Variants in MAPKAP1 observed in about 807,000 individuals in gnomAD.
MAPKAP1 encodes the protein MAPK associated protein 1.
In MAPKAP1, 20 loss-of-function variants were observed where a neutral mutation model predicts 65.7. The observed-to-expected ratio is 0.30, with a 90% CI of 0.21 to 0.44. The LOEUF (loss-of-function observed/expected upper bound fraction) is 0.44. Ranked by LOEUF, MAPKAP1 falls within the 20% of genes least tolerant of loss-of-function variation. MAPKAP1 has a pLI of 1.00. For missense variants in MAPKAP1, 423 were observed against 648.0 expected, an observed-to-expected ratio of 0.65 and a Z score of 3.77; for synonymous variants, 222 against 244.3, an observed-to-expected ratio of 0.91 and a Z score of 0.85.
rs375290028 is a variant in MAPKAP1 at position 125,693,836 on chromosome 9, T to TACACACACACACACACAC, written c.-70+13134_-70+13135insGTGTGTGTGTGTGTGTGT. On this transcript the variant is annotated intron_variant, in intron 1 of 11. Coordinates refer to ENST00000265960, the MANE Select transcript of MAPKAP1 (RefSeq NM_001006617.3). ...ACACATATACACACACACACATATA[T>TACACACACACACACACAC]ATACACACATACACACACACACACA... 4.7e-4 allele frequency among the ~76,000 whole-genome samples: 56 copies of TACACACACACACACACAC among 119,460 alleles called. 2 individuals carry two copies. Among genetic ancestry groups the TACACACACACACACACAC allele is most frequent in the Non-Finnish European group, 4.9e-4 (30 of 61,504 alleles). The allele number at this position is 119,460 out of a possible 152,430, so 78.4% of individuals were successfully genotyped here. A position where few individuals can be genotyped will look rare whatever the true frequency, so the allele number is the denominator to read the frequency against.
At chr9:125,657,626 G>C in intron 4 of MAPKAP1, 25 bp downstream of exon 4, 1 of 1,576,146 alleles carries the variant, frequency 6.3e-7, no homozygotes, top group Non-Finnish European at 8.6e-7. Context: ...TTTACTTAAA[G>C]GGACAAAGTC....
intron 4 of MAPKAP1, among the ~76,000 whole-genome samples, chr9:125,653,647 CA>C (rs753933573): frequency 1.6e-4 from 24 of 152,266 alleles, no homozygotes; most frequent in African/African-American, 2.4e-4. Flanking sequence ...TCCTGAACCC[CA>C]AGCTTCATGA....
chr9:125,661,224 G>A (rs1834175866), intron 3 of MAPKAP1, among the ~76,000 whole-genome samples: 1 of 152,200 alleles, frequency 6.6e-6, no homozygotes, highest in Non-Finnish European at 1.5e-5. Context: ...CACTCTGTAT[G>A]TTACCAGTGG....
intron 10 of MAPKAP1, among the ~76,000 whole-genome samples, chr9:125,459,235 C>A (rs966913342): frequency 6.7e-6 from 1 of 149,552 alleles, no homozygotes; most frequent in Non-Finnish European, 1.5e-5. Flanking sequence ...GGCAGAGAGG[C>A]TCCTCACTTC....
At chr9:125,632,883 A>C (rs1455167187) in intron 4 of MAPKAP1, among the ~76,000 whole-genome samples, 1 of 152,230 alleles carries the variant, frequency 6.6e-6, no homozygotes, top group African/African-American at 2.4e-5. Flanking sequence ...GCTTGCGTGC[A>C]AGAATACTAT....
chr9:125,484,891 T>C (rs572619146), intron 8 of MAPKAP1, among the ~76,000 whole-genome samples: 14 of 152,268 alleles, frequency 9.2e-5, no homozygotes, highest in African/African-American at 3.4e-4. Flanking sequence ...GCACAAGAGC[T>C]TGGGTGGTGT....
Position 125,654,441 on chromosome 9 carries a change from A to C in MAPKAP1, c.498+3210T>G, listed in dbSNP as rs116405753. ...TTTTTCAAATGATCAGTAAACAGTT[A>C]TTGATAATCCAGACCCAGACTCTAA... On this transcript the variant is annotated intron_variant, in intron 4 of 11. Transcript: ENST00000265960. 4.9e-3 allele frequency among the ~76,000 whole-genome samples: 748 copies of C among 152,326 alleles called. 5 individuals carry two copies. Among genetic ancestry groups the C allele is most frequent in the African/African-American group, 0.017 (705 of 41,576 alleles).
chr9:125,490,351 C>G (rs1186658053), intron 8 of MAPKAP1, among the ~76,000 whole-genome samples: 1 of 152,036 alleles, frequency 6.6e-6, no homozygotes, highest in Non-Finnish European at 1.5e-5. Context: ...ACCAGCCTGA[C>G]CAACATGGTG....
intron 4 of MAPKAP1, among the ~76,000 whole-genome samples, chr9:125,627,625 T>G (rs1275342052): frequency 6.6e-6 from 1 of 152,202 alleles, no homozygotes; most frequent in Non-Finnish European, 1.5e-5. Context: ...AGTATCTCAC[T>G]ATGTTGCCTC....
At chr9:125,622,958 C>T (rs1245992698) in intron 4 of MAPKAP1, among the ~76,000 whole-genome samples, 7 of 152,272 alleles carry the variant, frequency 4.6e-5, no homozygotes, top group African/African-American at 1.4e-4. Flanking sequence ...AGGCACGCGC[C>T]GCCACACCTG....
chr9:125,642,327 A>G (rs1481464513), intron 4 of MAPKAP1, among the ~76,000 whole-genome samples: 1 of 152,040 alleles, frequency 6.6e-6, no homozygotes, highest in African/African-American at 2.4e-5. Flanking sequence ...GAATATAATT[A>G]TTTTCAGACA....
chr9:125,633,230 G>A (rs1285140684), intron 4 of MAPKAP1, among the ~76,000 whole-genome samples: 1 of 152,224 alleles, frequency 6.6e-6, no homozygotes, highest in Non-Finnish European at 1.5e-5. Context: ...AGAGGACACA[G>A]GGAGAGTAGC....
intron 4 of MAPKAP1, among the ~76,000 whole-genome samples, chr9:125,618,784 A>G (rs484821): frequency 0.13 from 19,592 of 152,248 alleles, 1,650 homozygotes; most frequent in Non-Finnish European, 0.19. Flanking sequence ...AGGGTCACTT[A>G]GAAGAATTCA....
intron 7 of MAPKAP1, among the ~76,000 whole-genome samples, chr9:125,508,481 C>T (rs1305380516): frequency 6.6e-6 from 1 of 152,196 alleles, no homozygotes; most frequent in Non-Finnish European, 1.5e-5. Flanking sequence ...CTCCCAGCAA[C>T]ACAGTGTGCA....
At chr9:125,610,179 C>T (rs1832557755) in intron 4 of MAPKAP1, among the ~76,000 whole-genome samples, 1 of 151,672 alleles carries the variant, frequency 6.6e-6, no homozygotes, top group South Asian at 2.1e-4. Context: ...TGTGTAAACA[C>T]AAACTCTTTC....
At chr9:125,640,261 G>A (rs369000376) in intron 4 of MAPKAP1, among the ~76,000 whole-genome samples, 5 of 151,834 alleles carry the variant, frequency 3.3e-5, no homozygotes, top group African/African-American at 1.2e-4. Flanking sequence ...CCGCCACCAC[G>A]CCCGGCTAAT....
chr9:125,514,578 C>T (rs894550221), intron 7 of MAPKAP1, among the ~76,000 whole-genome samples: 1 of 152,162 alleles, frequency 6.6e-6, no homozygotes, highest in Non-Finnish European at 1.5e-5. Context: ...CCGAGCAAGT[C>T]TCTAATCTTA....
At chr9:125,443,388 G>A (rs1179367110) in intron 11 of MAPKAP1, among the ~76,000 whole-genome samples, 1 of 152,096 alleles carries the variant, frequency 6.6e-6, no homozygotes, top group Non-Finnish European at 1.5e-5. Context: ...GCCCTCTCTG[G>A]TCCTCGCCCC....
At chr9:125,485,419 G>T (rs1333791510) in intron 8 of MAPKAP1, among the ~76,000 whole-genome samples, 3 of 152,346 alleles carry the variant, frequency 2.0e-5, no homozygotes, top group South Asian at 4.1e-4. Flanking sequence ...AAGAAGCCTG[G>T]TGCTCAAAAA....
Sources: allele counts gnomAD v4.1 joint callset (sites outside exome capture counted in the v4.1 genomes callset), GRCh38; gene constraint gnomAD v4.1.1; transcripts MANE v1.5; gene names NCBI Gene and HGNC (gene_info 2026-07-23, HGNC 2026-07-21).